The following WFDC5 variants were observed in gnomAD, a reference collection of about 807,000 sequenced individuals.
The protein encoded by WFDC5 is WAP four-disulfide core domain protein 5.
In WFDC5, 15 loss-of-function variants were observed where a neutral mutation model predicts 15.7. The observed-to-expected ratio is 0.96, with a 90% CI of 0.64 to 1.47. The LOEUF (loss-of-function observed/expected upper bound fraction) is 1.47, where lower values mean the gene tolerates loss of function less well. Ranked by LOEUF, WFDC5 falls within the 40% of genes most tolerant of loss-of-function variation. The pLI is 0.00. For missense variants in WFDC5, 280 were observed against 258.0 expected, an observed-to-expected ratio of 1.09 and a Z score of -0.59; for synonymous variants, 109 against 107.7, an observed-to-expected ratio of 1.01 and a Z score of -0.07.
At chr20:45,111,411 G>A (rs1389262104) in intron 1 of WFDC5, among the ~76,000 whole-genome samples, 3 of 151,794 alleles carry the variant, frequency 2.0e-5, no homozygotes, top group South Asian at 2.1e-4. Flanking sequence ...TTTGCTCACC[G>A]TTGGTCCATA....
Position 45,110,632 on chromosome 20 carries a change from T to C in WFDC5, c.226+3A>G. 2 of 1,614,054 alleles carry C rather than the reference T, an allele frequency of 1.2e-6. No individual in the cohort carries two copies. The highest frequency in any genetic ancestry group is 1.7e-6 in the Non-Finnish European group (2 of 1,179,972). On this transcript the variant is annotated splice_donor_region_variant and intron_variant, in intron 2 of 3. Coordinates refer to ENST00000307971, the Ensembl canonical transcript of WFDC5. ...GTCAGCAAGGTGGAGGGGAGGCATT[T>C]ACCAGAGACCCTGGGGACACACTGG... is the stretch of plus-strand genomic sequence containing the variant.
chr20:45,112,653 A>G (rs1357764159), intron 1 of WFDC5, among the ~76,000 whole-genome samples: 1 of 152,220 alleles, frequency 6.6e-6, no homozygotes, highest in African/African-American at 2.4e-5. Context: ...ACATGGTTAA[A>G]TATATACACT....
At chr20:45,110,730 G>A (rs141103884) in exon 2 of WFDC5, 17 of 1,614,166 alleles carry the variant, frequency 1.1e-5, no homozygotes, top group Non-Finnish European at 1.4e-5. Flanking sequence ...GTCAGGCACC[G>A]ATAGGAGGCA....
chr20:45,114,871 G>A (rs577568619), intron 1 of WFDC5, 128 bp downstream of exon 1: 17 of 877,346 alleles, frequency 1.9e-5, no homozygotes, highest in South Asian at 3.4e-5. Context: ...ATACACACAC[G>A]CACGCACGCA....
chr20:45,115,821 C>CA (rs960618710), upstream of WFDC5, among the ~76,000 whole-genome samples: 10 of 151,968 alleles, frequency 6.6e-5, no homozygotes, highest in Non-Finnish European at 1.0e-4. Context: ...GGATCCTGAG[C>CA]AAAAAAATGT....
chr20:45,109,974 A>G, exon 4 of WFDC5: 1 of 1,614,190 alleles, frequency 6.2e-7, no homozygotes, highest in Non-Finnish European at 8.5e-7. Context: ...GTTGGTCCCC[A>G]GCTTAGGTGC....
chr20:45,114,686 C>T (rs1045562813), intron 1 of WFDC5, among the ~76,000 whole-genome samples: 1 of 152,090 alleles, frequency 6.6e-6, no homozygotes, highest in African/African-American at 2.4e-5. Context: ...TACACAGACA[C>T]AGGCACATGC....
chr20:45,114,870 C>T (rs758793788), intron 1 of WFDC5, 129 bp downstream of exon 1: 38 of 892,708 alleles, frequency 4.3e-5, no homozygotes, highest in Middle Eastern at 2.2e-4. Context: ...CATACACACA[C>T]GCACGCACGC....
chr20:45,109,600 T>C (rs190510993), exon 4 of WFDC5: 9 of 623,966 alleles, frequency 1.4e-5, no homozygotes, highest in African/African-American at 9.2e-5. Flanking sequence ...AAGAGGTGAA[T>C]GACTGATGTT....
upstream of WFDC5, among the ~76,000 whole-genome samples, chr20:45,116,113 G>C (rs17331776): frequency 0.15 from 22,410 of 152,152 alleles, 1,911 homozygotes; most frequent in Middle Eastern, 0.26. Context: ...TTTAAAAGCA[G>C]GTCAATACCT....
At chr20:45,111,956 T>C (rs550077717) in intron 1 of WFDC5, among the ~76,000 whole-genome samples, 1 of 152,298 alleles carries the variant, frequency 6.6e-6, no homozygotes, top group African/African-American at 2.4e-5. Context: ...CAGCTGGATC[T>C]GGTTCTGTGA....
exon 2 of WFDC5, chr20:45,110,672 G>A (rs775317599): frequency 4.3e-6 from 7 of 1,614,008 alleles, no homozygotes; most frequent in African/African-American, 1.3e-5. Flanking sequence ...AGCAAGCTCT[G>A]TAGCAGCACT....
intron 3 of WFDC5, among the ~76,000 whole-genome samples, 176 bp from the exon 4 acceptor site, chr20:45,110,189 T>G (rs1372233699): frequency 6.6e-6 from 1 of 152,188 alleles, no homozygotes; most frequent in Non-Finnish European, 1.5e-5. Context: ...GTCATCCAGG[T>G]GCCACAGCAA....
chr20:45,116,214 C>T (rs1442107525), upstream of WFDC5, among the ~76,000 whole-genome samples: 1 of 152,158 alleles, frequency 6.6e-6, no homozygotes, highest in Non-Finnish European at 1.5e-5. Context: ...GGAAGTTCTT[C>T]CTTGGGTTTA....
upstream of WFDC5, among the ~76,000 whole-genome samples, chr20:45,115,469 C>T (rs117867711): frequency 4.7e-3 from 717 of 152,206 alleles, 1 homozygote; most frequent in Non-Finnish European, 7.8e-3. Context: ...GTCTAGGCAG[C>T]GGGTAGAGGT....
At chr20:45,110,806 G>A (rs781677171) in intron 1 of WFDC5, 31 bp from the exon 2 acceptor site, 1 of 1,612,140 alleles carries the variant, frequency 6.2e-7, no homozygotes, top group Non-Finnish European at 8.5e-7. Context: ...ATTGCAGCTG[G>A]AGGAAGCTCA....
chr20:45,112,275 G>A (rs538868850), intron 1 of WFDC5, among the ~76,000 whole-genome samples: 121 of 152,284 alleles, frequency 7.9e-4, no homozygotes, highest in Middle Eastern at 3.4e-3. Context: ...TGGGCCAAAC[G>A]GAGCTGCGTG....
chr20:45,110,443 G>A (rs976652422), exon 3 of WFDC5: 6 of 1,613,120 alleles, frequency 3.7e-6, no homozygotes, highest in Non-Finnish European at 4.2e-6. Context: ...CGCTGTGGCA[G>A]CATCGCTTTT....
exon 2 of WFDC5, chr20:45,110,713 C>G: frequency 6.2e-7 from 1 of 1,614,194 alleles, no homozygotes; most frequent in Non-Finnish European, 8.5e-7. Flanking sequence ...CTGTCTTCCA[C>G]GCACTGGTCA....
Sources: gnomAD v4.1 joint callset for allele counts (sites outside exome capture counted in the v4.1 genomes callset) on GRCh38, gnomAD v4.1.1 for gene constraint, MANE v1.5 for transcripts, NCBI Gene and HGNC (gene_info 2026-07-23, HGNC 2026-07-21) for gene names.